ABRA: variants seen among roughly 807,000 people sequenced by gnomAD.
ABRA encodes actin binding Rho activating protein.
A neutral mutation model predicts 33.4 loss-of-function variants in ABRA; 25 were observed. The observed-to-expected ratio is 0.75, with a 90% confidence interval of 0.55 to 1.04. The LOEUF (loss-of-function observed/expected upper bound fraction) is 1.04. Ranked by LOEUF, ABRA falls within the 50% of genes least tolerant of loss-of-function variation. The pLI, the probability that ABRA is intolerant of heterozygous loss-of-function variation, is 0.00. For missense variants in ABRA, 501 were observed against 491.7 expected, an observed-to-expected ratio of 1.02 and a Z score of -0.18; for synonymous variants, 193 against 176.8, an observed-to-expected ratio of 1.09 and a Z score of -0.73.
chr8:106,760,402 A>G lies in ABRA; in HGVS notation c.*635T>C, dbSNP rs961554191. ...CAGCAACATCTTGACAACTTTTTAT[A>G]TATGTGCTTGTTTTGTAAGTGATGC... is the stretch of plus-strand genomic sequence containing the variant. On this transcript the variant is annotated 3_prime_UTR_variant, in exon 2 of 2. Transcript: ENST00000311955. 25 of 152,214 alleles carry G rather than the reference A, an allele frequency of 1.6e-4. No homozygotes were observed. The highest frequency in any genetic ancestry group is 7.2e-4 in the Admixed American group (11 of 15,284). The allele number at this position is 152,214 out of a possible 1,614,324, so 9.4% of individuals were successfully genotyped here.
Position 106,767,860 on chromosome 8 carries a change from C to T in ABRA, c.668+1663G>A, listed in dbSNP as rs142996432. On this transcript the variant is annotated intron_variant, in intron 1 of 1. Coordinates refer to ENST00000311955, the MANE Select transcript of ABRA (RefSeq NM_139166.5). ...CATGCATCCCAGGACTTTGGGAGGCCGAGGTGGGTGGATCACCTGAGGTCA... is the reference window on the plus strand; with the variant it reads ...CATGCATCCCAGGACTTTGGGAGGCTGAGGTGGGTGGATCACCTGAGGTCA... Among the ~76,000 whole-genome samples the T allele has an allele frequency of 1.5e-3, 221 of 152,092 alleles. 1 individual carries two copies. Among genetic ancestry groups the T allele is most frequent in the Middle Eastern group, 0.01 (3 of 292 alleles).
chr8:106,764,747 T>C (rs1380509548), intron 1 of ABRA, among the ~76,000 whole-genome samples: 3 of 152,146 alleles, frequency 2.0e-5, no homozygotes, highest in Non-Finnish European at 4.4e-5. Context: ...TGTCAAATTG[T>C]AATGCCCTCT....
chr8:106,767,488 T>C (rs1451270466), intron 1 of ABRA, among the ~76,000 whole-genome samples: 2 of 152,206 alleles, frequency 1.3e-5, no homozygotes, highest in Non-Finnish European at 2.9e-5. Flanking sequence ...TCTGAATGCA[T>C]CCTCAAGACA....
intron 1 of ABRA, among the ~76,000 whole-genome samples, chr8:106,764,062 T>A (rs998515810): frequency 4.6e-5 from 7 of 152,226 alleles, no homozygotes; most frequent in Admixed American, 3.9e-4. Flanking sequence ...TAATAACATT[T>A]GCACAATTGA....
chr8:106,761,906 A>G (rs1318980349), intron 1 of ABRA, among the ~76,000 whole-genome samples: 1 of 152,188 alleles, frequency 6.6e-6, no homozygotes, highest in African/African-American at 2.4e-5. Flanking sequence ...GACCTCTGAA[A>G]CCAATTATTT....
chr8:106,762,431 C>T (rs779288727), intron 1 of ABRA, among the ~76,000 whole-genome samples: 3 of 152,112 alleles, frequency 2.0e-5, no homozygotes, highest in African/African-American at 4.8e-5. Flanking sequence ...GAATAAGTTG[C>T]GTTTTAAATG....
At chr8:106,762,846 C>T (rs976543166) in intron 1 of ABRA, among the ~76,000 whole-genome samples, 1 of 152,162 alleles carries the variant, frequency 6.6e-6, no homozygotes, top group African/African-American at 2.4e-5. Context: ...ATTTCTCTGT[C>T]TCCAATTGCC....
chr8:106,761,604 TTAATG>T (rs1178192318), intron 1 of ABRA, 90 bp from the exon 2 acceptor site: 9 of 1,018,028 alleles, frequency 8.8e-6, no homozygotes, highest in Non-Finnish European at 1.3e-5. Flanking sequence ...ATATGCATCT[TTAATG>T]TAAGTATAAT....
intron 1 of ABRA, among the ~76,000 whole-genome samples, chr8:106,762,038 G>A (rs918364505): frequency 1.8e-4 from 27 of 152,126 alleles, no homozygotes; most frequent in East Asian, 5.8e-4. Flanking sequence ...CACAAACTTC[G>A]AAATATGAAG....
rs1836118554 is a variant in ABRA at position 106,760,451 on chromosome 8, G to C, written c.*586C>G. 1 of 152,002 alleles carries C rather than the reference G, an allele frequency of 6.6e-6. No homozygotes were observed. Among genetic ancestry groups the C allele is most frequent in the Admixed American group, 6.5e-5 (1 of 15,282 alleles). The allele number at this position is 152,002 out of a possible 1,614,324, so 9.4% of individuals were successfully genotyped here. ...GCTATGATATAAACAATAATACAAA[G>C]TCAAGCTTCTGAAAAAATTTTAAGT... On this transcript the variant is annotated 3_prime_UTR_variant, in exon 2 of 2. Transcript: ENST00000311955.
Position 106,760,914 on chromosome 8 carries a change from T to G in ABRA, c.*123A>C. The G allele has an allele frequency of 1.1e-6, 1 of 907,350 alleles. No individual in the cohort carries two copies. The highest frequency in any genetic ancestry group is 1.7e-6 in the Non-Finnish European group (1 of 586,074). 56.2% of individuals were successfully genotyped at this position (907,350 alleles called of 1,614,324 possible). A position where few individuals can be genotyped will look rare whatever the true frequency, so the allele number is the denominator to read the frequency against. ...ATAGAAATAGAATGCCAGAAAGTCG[T>G]TTATGTAAAAATTGTTTAATATTTA... On this transcript the variant is annotated 3_prime_UTR_variant, in exon 2 of 2. Coordinates refer to ENST00000311955, the MANE Select transcript of ABRA (RefSeq NM_139166.5).
intron 1 of ABRA, among the ~76,000 whole-genome samples, chr8:106,768,659 A>G (rs990105755): frequency 6.6e-6 from 1 of 152,072 alleles, no homozygotes; most frequent in Non-Finnish European, 1.5e-5. Context: ...TGTGAAACAG[A>G]GTCTTGCTGT....
intron 1 of ABRA, among the ~76,000 whole-genome samples, chr8:106,767,215 G>A (rs1681879): frequency 0.39 from 59,453 of 152,110 alleles, 12,452 homozygotes; most frequent in Admixed American, 0.48. Flanking sequence ...GCTTAGACAA[G>A]TGCCAAAGAA....
chr8:106,767,415 TC>T (rs1836239059), intron 1 of ABRA, among the ~76,000 whole-genome samples: 1 of 152,228 alleles, frequency 6.6e-6, no homozygotes, highest in Admixed American at 6.5e-5. Flanking sequence ...ATATGGTTCC[TC>T]ATGTTCGGAT....
chr8:106,769,315 C>T (rs1174391278), intron 1 of ABRA, among the ~76,000 whole-genome samples: 5 of 152,138 alleles, frequency 3.3e-5, no homozygotes, highest in Non-Finnish European at 5.9e-5. Context: ...AACAAAATAG[C>T]GCAGGCCCTG....
chr8:106,767,623 A>G (rs544221733), intron 1 of ABRA, among the ~76,000 whole-genome samples: 1 of 152,330 alleles, frequency 6.6e-6, no homozygotes, highest in Admixed American at 6.5e-5. Context: ...TATCCCTGAA[A>G]TGAGTGAATA....
chr8:106,767,956 G>A lies in ABRA; in HGVS notation c.668+1567C>T, dbSNP rs555467759. ...CTAAAAATACAAAAATTAGCTGGGCGTGGTGGTGTGCACCTGTAATCCCAG... is the reference window on the plus strand; with the variant it reads ...CTAAAAATACAAAAATTAGCTGGGCATGGTGGTGTGCACCTGTAATCCCAG... On this transcript the variant is annotated intron_variant, in intron 1 of 1. Transcript: ENST00000311955. Among the ~76,000 whole-genome samples the A allele has an allele frequency of 7.2e-5, 11 of 152,148 alleles. No individual in the cohort carries two copies. The East Asian group carries it at 1.7e-3, about 24-fold the overall frequency.
At chr8:106,766,473 A>G (rs1457926909) in intron 1 of ABRA, among the ~76,000 whole-genome samples, 1 of 152,160 alleles carries the variant, frequency 6.6e-6, no homozygotes, top group East Asian at 1.9e-4. Context: ...AGGCTTTCCA[A>G]ATTGGCTTAG....
At position 106,769,819 on chromosome 8, in the gene ABRA, C is replaced by A. The variant is rs550636883; in HGVS notation, c.372G>T (p.Val124=). 2 of 1,614,060 alleles carry A rather than the reference C, an allele frequency of 1.2e-6. No homozygotes were observed. The highest frequency in any genetic ancestry group is 2.7e-5 in the African/African-American group (2 of 74,912). The change falls in exon 1 of 2, where the codon GTG becomes GTT. Residue 124 remains valine, a synonymous_variant. Transcript: ENST00000311955. The part of the protein sequence containing the change: ...VSKTYERGGD[V]SHLSHRYERD... ...TCTCGTACCTGTGGCTGAGGTGGCT[C>A]ACGTCCCCTCCTCTCTCATAAGTCT...
Sources: gnomAD v4.1 joint callset for allele counts (sites outside exome capture counted in the v4.1 genomes callset) on GRCh38, gnomAD v4.1.1 for gene constraint, MANE v1.5 for transcripts, NCBI Gene and HGNC (gene_info 2026-07-23, HGNC 2026-07-21) for gene names.